Variants in SCFD2 observed in about 807,000 individuals in gnomAD.
The protein encoded by SCFD2 is sec1 family domain-containing protein 2.
Under a neutral mutation model 58.9 loss-of-function variants are expected in SCFD2, and 54 were observed. That is an observed-to-expected ratio of 0.92 (90% CI 0.74 to 1.15). The LOEUF is 1.15. SCFD2 is among the 50% of genes most tolerant of loss of function. The pLI is 0.00. For synonymous variants in SCFD2, 321 were observed against 335.9 expected, an observed-to-expected ratio of 0.96 and a Z score of 0.49; for missense variants, 805 against 836.6, an observed-to-expected ratio of 0.96 and a Z score of 0.47.
intron 1 of SCFD2, among the ~76,000 whole-genome samples, chr4:53,355,012 T>C (rs1457462856): frequency 2.0e-5 from 3 of 152,216 alleles, no homozygotes; most frequent in African/African-American, 7.2e-5. Context: ...GGCTAAACTT[T>C]TCAAGTTACC....
chr4:53,197,870 G>A (rs1039602577), intron 4 of SCFD2, among the ~76,000 whole-genome samples: 2 of 151,718 alleles, frequency 1.3e-5, no homozygotes, highest in Admixed American at 6.6e-5. Flanking sequence ...AAAAATATGG[G>A]GTAAAAAAAT....
chr4:52,939,422 G>A (rs1455323372), intron 5 of SCFD2, among the ~76,000 whole-genome samples: 1 of 152,136 alleles, frequency 6.6e-6, no homozygotes, highest in African/African-American at 2.4e-5. Context: ...TGAATCTTGT[G>A]ATTATACTAT....
At chr4:52,875,074 G>A (rs1238129944) in intron 8 of SCFD2, among the ~76,000 whole-genome samples, 1 of 152,120 alleles carries the variant, frequency 6.6e-6, no homozygotes, top group African/African-American at 2.4e-5. Context: ...GTACAGAAAG[G>A]CTCAGCAACT....
intron 5 of SCFD2, among the ~76,000 whole-genome samples, chr4:52,929,316 A>G (rs1325602535): frequency 6.6e-6 from 1 of 152,200 alleles, no homozygotes; most frequent in Non-Finnish European, 1.5e-5. Flanking sequence ...CAGATCATGT[A>G]ATTTTTATAT....
At chr4:52,970,850 G>C (rs915543753) in intron 5 of SCFD2, among the ~76,000 whole-genome samples, 52 of 152,210 alleles carry the variant, frequency 3.4e-4, no homozygotes, top group Non-Finnish European at 4.9e-4. Flanking sequence ...AGCAACATTT[G>C]CTGCTCACCA....
chr4:53,230,597 T>C (rs1184591361), intron 4 of SCFD2, among the ~76,000 whole-genome samples: 1 of 112,354 alleles, frequency 8.9e-6, no homozygotes. Context: ...ACAGGAAGGG[T>C]AGCATCACAC....
intron 4 of SCFD2, among the ~76,000 whole-genome samples, chr4:53,223,275 T>C (rs182344531): frequency 1.3e-5 from 2 of 152,292 alleles, no homozygotes; most frequent in African/African-American, 4.8e-5. Flanking sequence ...CATGTTGAGG[T>C]TTAAAGAAAG....
chr4:52,996,001 T>C (rs6830827), intron 5 of SCFD2, among the ~76,000 whole-genome samples: 8 of 152,370 alleles, frequency 5.3e-5, no homozygotes, highest in African/African-American at 1.9e-4. Context: ...ATCCAGAGTG[T>C]CACTCTCTGC....
chr4:53,074,236 C>A (rs1723906691), intron 5 of SCFD2, among the ~76,000 whole-genome samples: 1 of 152,180 alleles, frequency 6.6e-6, no homozygotes, highest in Non-Finnish European at 1.5e-5. Context: ...TAAGAAGCAG[C>A]TCCTTATTTG....
At chr4:52,935,812 C>T (rs1348670697) in intron 5 of SCFD2, among the ~76,000 whole-genome samples, 1 of 152,102 alleles carries the variant, frequency 6.6e-6, no homozygotes, top group African/African-American at 2.4e-5. Context: ...AGAAGCAACA[C>T]ATATCTATCT....
At chr4:53,057,667 T>A (rs2148837486) in intron 5 of SCFD2, among the ~76,000 whole-genome samples, 1 of 152,264 alleles carries the variant, frequency 6.6e-6, no homozygotes, top group Non-Finnish European at 1.5e-5. Flanking sequence ...TATCCCATTT[T>A]TTTTAGATGA....
intron 4 of SCFD2, among the ~76,000 whole-genome samples, chr4:53,254,686 A>T (rs970464450): frequency 1.3e-5 from 2 of 151,564 alleles, no homozygotes; most frequent in African/African-American, 4.8e-5. Context: ...TTATTCTGAG[A>T]TGAAGGAAAT....
chr4:53,348,954 CAAGTGAT>C (rs1246012177), intron 2 of SCFD2, among the ~76,000 whole-genome samples: 2 of 152,108 alleles, frequency 1.3e-5, no homozygotes, highest in African/African-American at 4.8e-5. Context: ...CTCCTGACCT[CAAGTGAT>C]CCACCAATCT....
At chr4:53,184,701 T>A (rs1232474538) in intron 4 of SCFD2, among the ~76,000 whole-genome samples, 1 of 152,110 alleles carries the variant, frequency 6.6e-6, no homozygotes, top group Non-Finnish European at 1.5e-5. Flanking sequence ...CTGTTGGCAA[T>A]AGGGAACTCA....
chr4:52,995,030 G>C (rs1026823592), intron 5 of SCFD2, among the ~76,000 whole-genome samples: 2 of 152,138 alleles, frequency 1.3e-5, no homozygotes, highest in African/African-American at 4.8e-5. Context: ...CATGAATCAG[G>C]GGGGTGGCAT....
chr4:53,150,870 G>A (rs1726485513), intron 4 of SCFD2, among the ~76,000 whole-genome samples: 1 of 152,194 alleles, frequency 6.6e-6, no homozygotes, highest in Admixed American at 6.5e-5. Flanking sequence ...TCAAATATAA[G>A]ATGATGCCCT....
chr4:53,335,611 G>A (rs545223710), intron 2 of SCFD2, among the ~76,000 whole-genome samples: 1 of 152,230 alleles, frequency 6.6e-6, no homozygotes, highest in South Asian at 2.1e-4. Context: ...AAATATTTGG[G>A]AGTGATGGGC....
intron 5 of SCFD2, among the ~76,000 whole-genome samples, chr4:53,060,503 C>T (rs1454527517): frequency 1.3e-5 from 2 of 152,106 alleles, no homozygotes; most frequent in South Asian, 4.1e-4. Flanking sequence ...TGGCTGTCCA[C>T]GAGGTTAATG....
intron 5 of SCFD2, among the ~76,000 whole-genome samples, chr4:53,009,968 A>G (rs1251683181): frequency 6.6e-6 from 1 of 152,060 alleles, no homozygotes; most frequent in Admixed American, 6.5e-5. Context: ...TGTGCTCACT[A>G]TACTTTCTCG....
Sources: allele counts gnomAD v4.1 joint callset (sites outside exome capture counted in the v4.1 genomes callset), GRCh38; gene constraint gnomAD v4.1.1; transcripts MANE v1.5; gene names NCBI Gene and HGNC (gene_info 2026-07-23, HGNC 2026-07-21).